Variants in WDR70 observed in about 807,000 individuals in gnomAD.
WDR70 encodes the protein WD repeat domain 70.
In WDR70, 53 loss-of-function variants were observed where a neutral mutation model predicts 88.6. That is an observed-to-expected ratio of 0.60 (90% CI 0.48 to 0.75). The LOEUF is 0.75. WDR70 is among the 30% of genes least tolerant of loss of function. The probability of loss-of-function intolerance (pLI) is 0.00; values close to 1 mark genes in which losing one functional copy is unlikely to be tolerated. For missense variants in WDR70, 610 were observed against 823.2 expected, an observed-to-expected ratio of 0.74 and a Z score of 3.17; for synonymous variants, 280 against 270.0, an observed-to-expected ratio of 1.04 and a Z score of -0.36.
intron 4 of WDR70, among the ~76,000 whole-genome samples, chr5:37,393,045 C>T (rs1748893542): frequency 6.6e-6 from 1 of 151,764 alleles, no homozygotes; most frequent in African/African-American, 2.4e-5. Context: ...TTTTGTTATT[C>T]TTTTTTTTGT....
intron 5 of WDR70, among the ~76,000 whole-genome samples, chr5:37,419,787 C>T (rs978057774): frequency 4.6e-5 from 7 of 151,882 alleles, no homozygotes; most frequent in African/African-American, 1.2e-4. Context: ...CCAGTCTGGG[C>T]GACACAACGA....
intron 5 of WDR70, among the ~76,000 whole-genome samples, chr5:37,425,641 G>A (rs1233663027): frequency 6.6e-6 from 1 of 152,184 alleles, no homozygotes; most frequent in Non-Finnish European, 1.5e-5. Flanking sequence ...CAATTGTAAA[G>A]GCTTTTCCTT....
chr5:37,545,015 G>A (rs1409240575), intron 9 of WDR70, among the ~76,000 whole-genome samples: 2 of 152,202 alleles, frequency 1.3e-5, no homozygotes, highest in East Asian at 3.9e-4. Flanking sequence ...GGGAAACAAA[G>A]TATACAGTTT....
intron 8 of WDR70, among the ~76,000 whole-genome samples, chr5:37,510,082 C>T (rs1462827782): frequency 1.3e-5 from 2 of 150,672 alleles, no homozygotes; most frequent in Middle Eastern, 3.4e-3. Context: ...AACACTCCCC[C>T]CCCCAAAAAA....
intron 5 of WDR70, among the ~76,000 whole-genome samples, chr5:37,433,134 C>T (rs1750363867): frequency 6.6e-6 from 1 of 152,062 alleles, no homozygotes; most frequent in Admixed American, 6.5e-5. Context: ...GATCTTGGCT[C>T]ATTGCAACCC....
intron 9 of WDR70, among the ~76,000 whole-genome samples, chr5:37,557,941 T>TACTCTTCAAAAGAGAACTCTTTTGAAA (rs1742347627): frequency 1.9e-5 from 1 of 52,146 alleles, no homozygotes; most frequent in African/African-American, 5.7e-5. Flanking sequence ...CTCTTTTGAA[T>TACTCTTCAAAAGAGAACTCTTTTGAAA]ACTCTTCAAA....
At chr5:37,476,509 A>G (rs1490581123) in intron 7 of WDR70, among the ~76,000 whole-genome samples, 4 of 151,888 alleles carry the variant, frequency 2.6e-5, no homozygotes, top group Non-Finnish European at 5.9e-5. Context: ...TGTGAATACT[A>G]TTGTGAATAC....
chr5:37,520,659 T>C (rs1296404519), intron 9 of WDR70, among the ~76,000 whole-genome samples: 4 of 152,192 alleles, frequency 2.6e-5, no homozygotes, highest in African/African-American at 9.6e-5. Context: ...ACTTCATTGC[T>C]GAATGAATGA....
At chr5:37,417,707 T>C (rs1336703182) in intron 5 of WDR70, among the ~76,000 whole-genome samples, 1 of 152,086 alleles carries the variant, frequency 6.6e-6, no homozygotes, top group Non-Finnish European at 1.5e-5. Context: ...CCGAGCTAAT[T>C]ATTTTATTAC....
chr5:37,472,395 T>C (rs1341433068), intron 7 of WDR70, among the ~76,000 whole-genome samples: 1 of 152,122 alleles, frequency 6.6e-6, no homozygotes, highest in Non-Finnish European at 1.5e-5. Context: ...AGTATGTTTC[T>C]TTTTTGTTTT....
chr5:37,512,034 A>G (rs887461821), intron 8 of WDR70, among the ~76,000 whole-genome samples: 1 of 152,200 alleles, frequency 6.6e-6, no homozygotes, highest in African/African-American at 2.4e-5. Context: ...ACTATTACAG[A>G]GGCCAGAAGG....
intron 13 of WDR70, among the ~76,000 whole-genome samples, chr5:37,706,506 A>G (rs1474999994): frequency 6.6e-6 from 1 of 152,152 alleles, no homozygotes; most frequent in East Asian, 1.9e-4. Flanking sequence ...AATACGTCTC[A>G]TGAGATCTGA....
At chr5:37,488,202 CTT>C (rs796850688) in intron 8 of WDR70, among the ~76,000 whole-genome samples, 1 of 136,432 alleles carries the variant, frequency 7.3e-6, no homozygotes, top group Non-Finnish European at 1.6e-5. Context: ...TGTGACTAGA[CTT>C]TTTTTTTTTT....
intron 17 of WDR70, among the ~76,000 whole-genome samples, chr5:37,740,516 A>C (rs1442918581): frequency 2.0e-5 from 3 of 152,162 alleles, no homozygotes; most frequent in Non-Finnish European, 4.4e-5. Context: ...CAAACAACAC[A>C]CAGCTCTTAT....
At chr5:37,729,334 T>C (rs1304489785) in intron 17 of WDR70, among the ~76,000 whole-genome samples, 1 of 152,188 alleles carries the variant, frequency 6.6e-6, no homozygotes, top group African/African-American at 2.4e-5. Context: ...CTGACAAAGC[T>C]AGGAAATACA....
At chr5:37,590,201 A>G (rs1743488473) in intron 9 of WDR70, among the ~76,000 whole-genome samples, 1 of 152,204 alleles carries the variant, frequency 6.6e-6, no homozygotes, top group Non-Finnish European at 1.5e-5. Flanking sequence ...TTTTTAATAT[A>G]TTTACAGACT....
chr5:37,680,249 GT>G (rs1746386575), intron 10 of WDR70, among the ~76,000 whole-genome samples: 1 of 150,864 alleles, frequency 6.6e-6, no homozygotes, highest in South Asian at 2.1e-4. Flanking sequence ...TAATGGCATT[GT>G]TTTTTTCTTG....
intron 5 of WDR70, among the ~76,000 whole-genome samples, chr5:37,416,241 G>A (rs1195179741): frequency 6.6e-6 from 1 of 152,252 alleles, no homozygotes; most frequent in African/African-American, 2.4e-5. Context: ...GAGTGAACGA[G>A]ACTCCGTCTG....
Position 37,430,277 on chromosome 5 carries a change from T to C in WDR70, c.493-7645T>C, listed in dbSNP as rs554186566. ...AGGGAGTGATAAGATGAAAGTAAAGTGGTCTACTAATAAGGTAGAAAACAG... is the reference window on the plus strand; with the variant it reads ...AGGGAGTGATAAGATGAAAGTAAAGCGGTCTACTAATAAGGTAGAAAACAG... On this transcript the variant is annotated intron_variant, in intron 5 of 17. Transcript: ENST00000265107. Among the ~76,000 whole-genome samples the C allele has an allele frequency of 9.2e-5, 14 of 152,276 alleles. No individual in the cohort carries two copies. The East Asian group carries it at 2.1e-3, about 23-fold the overall frequency.
Sources: gnomAD v4.1 joint callset for allele counts (sites outside exome capture counted in the v4.1 genomes callset) on GRCh38, gnomAD v4.1.1 for gene constraint, MANE v1.5 for transcripts, NCBI Gene and HGNC (gene_info 2026-07-23, HGNC 2026-07-21) for gene names.